The following ELMOD2 variants were observed in gnomAD, a reference collection of about 807,000 sequenced individuals.
The protein encoded by ELMOD2 is ELMO domain-containing protein 2.
In ELMOD2, 28 loss-of-function variants were observed where a neutral mutation model predicts 41.0. That is an observed-to-expected ratio of 0.68 (90% CI 0.51 to 0.94). ELMOD2 has a LOEUF of 0.94. Ranked by LOEUF, ELMOD2 falls within the 40% of genes least tolerant of loss-of-function variation. ELMOD2 has a pLI of 0.00. For missense variants in ELMOD2, 333 were observed against 343.1 expected (o/e 0.97, Z 0.23); for synonymous variants, 106 against 107.2 (o/e 0.99, Z 0.07).
intron 5 of ELMOD2, 42 bp from the exon 6 acceptor site, chr4:140,540,126 T>C: frequency 6.3e-7 from 1 of 1,599,082 alleles, no homozygotes; most frequent in South Asian, 1.1e-5. Flanking sequence ...TTACAAGCTA[T>C]GAGAAAGAAA....
intron 8 of ELMOD2, 103 bp from the exon 9 acceptor site, chr4:140,550,127 T>C: frequency 1.0e-6 from 1 of 982,198 alleles, no homozygotes; most frequent in South Asian, 1.5e-5. Flanking sequence ...TATTGTATTC[T>C]AATATGGAAT....
intron 3 of ELMOD2, among the ~76,000 whole-genome samples, chr4:140,530,318 C>T (rs1734709668): frequency 6.6e-6 from 1 of 152,066 alleles, no homozygotes; most frequent in Non-Finnish European, 1.5e-5. Flanking sequence ...TGGTCAAATC[C>T]GTCCAAGGAT....
At chr4:140,543,776 GT>G (rs1735181197) in intron 8 of ELMOD2, among the ~76,000 whole-genome samples, 190 bp downstream of exon 8, 1 of 152,000 alleles carries the variant, frequency 6.6e-6, no homozygotes, top group African/African-American at 2.4e-5. Context: ...CCATACTTCA[GT>G]TTTTATATTT....
chr4:140,537,418 A>G lies in ELMOD2; in HGVS notation c.276A>G (p.Lys92=). Residue 92 remains lysine (K), a synonymous_variant, in exon 5 of 9, where the codon AAA becomes AAG. Coordinates refer to ENST00000323570, the MANE Select transcript of ELMOD2 (RefSeq NM_153702.4). ...ATAATTTTATCATTTTTAGTTTTAA[A>G]ATATGCATGAAGATGTGCTTACTGC... ...NINPEKDASF[K]ICMKMCLLQI... is the part of the protein sequence containing the mutation. 6.6e-7 allele frequency: 1 copy of G among 1,513,658 alleles called. No homozygotes were observed. The highest frequency in any genetic ancestry group is 8.8e-7 in the Non-Finnish European group (1 of 1,139,610). 93.8% of individuals were successfully genotyped at this position (1,513,658 alleles called of 1,614,324 possible). A position where few individuals can be genotyped will look rare whatever the true frequency, so the allele number is the denominator to read the frequency against.
At chr4:140,533,402 TGAG>T (rs1470200115) in intron 3 of ELMOD2, among the ~76,000 whole-genome samples, 3 of 152,122 alleles carry the variant, frequency 2.0e-5, no homozygotes, top group Non-Finnish European at 4.4e-5. Context: ...AGCAATTCAA[TGAG>T]GAGAAGAAAG....
intron 6 of ELMOD2, among the ~76,000 whole-genome samples, chr4:140,542,262 T>C (rs1735129224): frequency 2.0e-5 from 3 of 150,828 alleles, no homozygotes; most frequent in African/African-American, 7.3e-5. Context: ...TTCATAGAAA[T>C]AGAACCAGCA....
intron 6 of ELMOD2, 28 bp from the exon 7 acceptor site, chr4:140,542,546 G>T: frequency 6.5e-7 from 1 of 1,526,736 alleles, no homozygotes. Flanking sequence ...GCGTACATTT[G>T]TTTGATTATT....
At chr4:140,534,636 A>G (rs1241158531) in intron 3 of ELMOD2, among the ~76,000 whole-genome samples, 1 of 152,206 alleles carries the variant, frequency 6.6e-6, no homozygotes, top group Non-Finnish European at 1.5e-5. Context: ...CCCTAAATTT[A>G]TATATGCCTT....
chr4:140,539,451 T>A (rs999105604), intron 5 of ELMOD2, among the ~76,000 whole-genome samples: 1 of 151,434 alleles, frequency 6.6e-6, no homozygotes, highest in African/African-American at 2.4e-5. Context: ...AAGCTCCGCC[T>A]CCCGGGTTCA....
chr4:140,535,687 C>G, intron 3 of ELMOD2, 46 bp from the exon 4 acceptor site: 1 of 1,526,594 alleles, frequency 6.6e-7, no homozygotes, highest in Non-Finnish European at 9.0e-7. Flanking sequence ...ATGTCTTTTT[C>G]AGCTACAAAG....
At chr4:140,524,514 G>C (rs1734487988) in intron 1 of ELMOD2, 27 of 820,138 alleles carry the variant, frequency 3.3e-5, no homozygotes, top group Non-Finnish European at 3.8e-5. Context: ...CCTCTGCTCG[G>C]CAGTTCTGCG....
At chr4:140,539,337 T>C (rs1003407790) in intron 5 of ELMOD2, among the ~76,000 whole-genome samples, 3 of 152,046 alleles carry the variant, frequency 2.0e-5, no homozygotes, top group African/African-American at 7.2e-5. Context: ...TTTATTGGTA[T>C]GTAATATTTG....
At chr4:140,538,294 A>G (rs1734994316) in intron 5 of ELMOD2, among the ~76,000 whole-genome samples, 1 of 152,168 alleles carries the variant, frequency 6.6e-6, no homozygotes, top group Admixed American at 6.5e-5. Context: ...ACCTATTCCA[A>G]TTTTATTTTA....
chr4:140,536,524 A>G (rs888996890), intron 4 of ELMOD2, among the ~76,000 whole-genome samples: 2 of 152,190 alleles, frequency 1.3e-5, no homozygotes, highest in African/African-American at 4.8e-5. Flanking sequence ...GCACAGAGAC[A>G]TAGAAATATT....
intron 8 of ELMOD2, among the ~76,000 whole-genome samples, chr4:140,544,300 T>C (rs1735199369): frequency 6.6e-6 from 1 of 152,170 alleles, no homozygotes. Context: ...ATCTCCATTG[T>C]TGAAAATATC....
chr4:140,525,290 TA>T (rs1358880489), intron 1 of ELMOD2, 129 bp from the exon 2 acceptor site: 3 of 1,020,660 alleles, frequency 2.9e-6, no homozygotes, highest in Non-Finnish European at 4.2e-6. Context: ...AATGCCTAAT[TA>T]AACTGTCAAA....
chr4:140,535,137 TTCTCTCTCTCTCTC>T (rs10526729), intron 3 of ELMOD2, among the ~76,000 whole-genome samples: 42 of 141,488 alleles, frequency 3.0e-4, no homozygotes, highest in Admixed American at 7.1e-4. Context: ...ATCTGTTTCT[TTCTCTCTCTCTCTC>T]TCTCTCTCTC....
chr4:140,535,889 T>C (rs1734908179), intron 4 of ELMOD2, 59 bp downstream of exon 4: 1 of 1,434,142 alleles, frequency 7.0e-7, no homozygotes, highest in East Asian at 2.3e-5. Context: ...GAGGTATCAA[T>C]ATCACACACT....
chr4:140,543,307 G>A (rs998272693), intron 7 of ELMOD2, 146 bp from the exon 8 acceptor site: 24 of 802,720 alleles, frequency 3.0e-5, no homozygotes, highest in South Asian at 4.6e-5. Context: ...ATTCTTTCTA[G>A]TATATTTTTC....
Sources: gnomAD v4.1 joint callset for allele counts (sites outside exome capture counted in the v4.1 genomes callset) on GRCh38, gnomAD v4.1.1 for gene constraint, MANE v1.5 for transcripts, NCBI Gene and HGNC (gene_info 2026-07-23, HGNC 2026-07-21) for gene names.